The following RHNO1 variants were observed in gnomAD, a reference collection of about 807,000 sequenced individuals.
The protein encoded by RHNO1 is RAD9, HUS1, RAD1-interacting nuclear orphan protein 1.
RHNO1 carries 9 observed loss-of-function variants against 7.2 expected under a neutral mutation model. That is an observed-to-expected ratio of 1.25 (90% CI 0.75 to 2.18). RHNO1 has a LOEUF of 2.18. Ranked by LOEUF, RHNO1 falls within the 30% of genes most tolerant of loss-of-function variation. The pLI, the probability that RHNO1 is intolerant of heterozygous loss-of-function variation, is 0.00. For missense variants in RHNO1, 292 were observed against 284.5 expected, an observed-to-expected ratio of 1.03 and a Z score of -0.19; for synonymous variants, 95 against 107.5, an observed-to-expected ratio of 0.88 and a Z score of 0.72.
In RHNO1 at chr12:2,885,340, T is replaced by G; in HGVS notation, c.-27T>G. The G allele has an allele frequency of 6.2e-7, 1 of 1,605,970 alleles. No homozygotes were observed. The highest frequency in any genetic ancestry group is 1.1e-5 in the South Asian group (1 of 90,124). On this transcript the variant is annotated 5_prime_UTR_variant, in exon 2 of 3. An upstream open reading frame in the 5' UTR gains an earlier in-frame stop. Coordinates refer to ENST00000489288, the MANE Select transcript of RHNO1 (RefSeq NM_001252499.3). Reference sequence around the variant, plus strand: ...CCGAAGGCTAACAGCATCATGTGGTTACTAACTGTTCCTCATTCACCGGTT... The same window carrying G: ...CCGAAGGCTAACAGCATCATGTGGTGACTAACTGTTCCTCATTCACCGGTT...
chr12:2,877,532 C>G lies in RHNO1; in HGVS notation c.-85+250C>G, dbSNP rs776396419. Among the ~76,000 whole-genome samples the G allele has an allele frequency of 5.9e-4, 90 of 152,202 alleles. 1 individual carries two copies. Among genetic ancestry groups the G allele is most frequent in the Admixed American group, 2.6e-4 (4 of 15,278 alleles). ...AGCTCGGCTTTAGTTGATTTCCTCA[C>G]TGGGGGAAATCGTACCCCATTTTCC... On this transcript the variant is annotated intron_variant, in intron 1 of 2. Transcript: ENST00000489288.
chr12:2,883,505 A>ATTTTT (rs2098161364), intron 1 of RHNO1, among the ~76,000 whole-genome samples: 1 of 31,920 alleles, frequency 3.1e-5, no homozygotes, highest in African/African-American at 1.7e-4. Context: ...ATATATATAT[A>ATTTTT]TATATATTTT....
chr12:2,876,501 G>A (rs963426618), upstream of RHNO1: 3 of 152,278 alleles, frequency 2.0e-5, no homozygotes, highest in Admixed American at 2.0e-4. Flanking sequence ...ACCAGGAAAA[G>A]GGCCCTGCAA....
upstream of RHNO1, chr12:2,876,989 G>A (rs1297618633): frequency 6.6e-6 from 1 of 152,160 alleles, no homozygotes; most frequent in Non-Finnish European, 1.5e-5. Context: ...CTCCAACCTG[G>A]GGGCCGAGCC....
intron 1 of RHNO1, among the ~76,000 whole-genome samples, chr12:2,880,620 A>G (rs911236634): frequency 6.6e-6 from 1 of 151,924 alleles, no homozygotes; most frequent in Non-Finnish European, 1.5e-5. Context: ...TCTCAAAACA[A>G]ACAAACAAAA....
rs557909853 is a variant in RHNO1 at position 2,879,682 on chromosome 12, A to G, written c.-85+2400A>G. On this transcript the variant is annotated intron_variant, in intron 1 of 2. Transcript: ENST00000489288. ...CGTTTGAAATATCTAGTTGCTGTTC[A>G]GGTAGGTAATGGGATATTTGGGTCC... Among the ~76,000 whole-genome samples the G allele has an allele frequency of 2.1e-4, 32 of 151,842 alleles. 1 individual carries two copies. Among genetic ancestry groups the G allele is most frequent in the African/African-American group, 7.8e-4 (32 of 41,276 alleles).
chr12:2,883,118 C>T (rs554850213), intron 1 of RHNO1, among the ~76,000 whole-genome samples: 38 of 149,148 alleles, frequency 2.5e-4, no homozygotes, highest in Non-Finnish European at 5.0e-4. Context: ...GTGGCTCACA[C>T]CTGTAATTCC....
chr12:2,887,393 G>A (rs918674831), intron 2 of RHNO1, among the ~76,000 whole-genome samples: 10 of 150,810 alleles, frequency 6.6e-5, no homozygotes, highest in Admixed American at 2.0e-4. Context: ...CAGCAGAATC[G>A]CTTGCATCAG....
chr12:2,887,930 C>T lies in RHNO1; in HGVS notation c.188C>T (p.Thr63Ile), dbSNP rs1298236462. 2.5e-6 allele frequency: 4 copies of T among 1,588,878 alleles called. No individual in the cohort carries two copies. Among genetic ancestry groups the T allele is most frequent in the Non-Finnish European group, 3.4e-6 (4 of 1,169,186 alleles). Residue 63 changes from threonine to isoleucine, a missense_variant, in exon 3 of 3, where the codon ACA becomes ATA. Transcript: ENST00000489288. ...ITSWVSPDFD[T>I]AAGSLFPAYQ... Reference sequence around the variant, plus strand: ...TTTAAGGTATCACCTGATTTTGATACAGCAGCAGGAAGCTTGTTCCCAGCC... The same window carrying T: ...TTTAAGGTATCACCTGATTTTGATATAGCAGCAGGAAGCTTGTTCCCAGCC...
chr12:2,880,086 G>A (rs778012104), intron 1 of RHNO1, among the ~76,000 whole-genome samples: 1 of 151,938 alleles, frequency 6.6e-6, no homozygotes, highest in Non-Finnish European at 1.5e-5. Context: ...GGCTGAGGGA[G>A]GAGAATCACT....
At position 2,888,530 on chromosome 12, in the gene RHNO1, TTTTG is replaced by T; in HGVS notation, c.*75_*78del. On this transcript the variant is annotated 3_prime_UTR_variant, in exon 3 of 3. Transcript: ENST00000489288. Reference sequence around the variant, plus strand: ...CATAAAGGAATTCAATTCCTAGGGTTTTTGTTTTTGTTTTTGAGATGTAATATTG... The same window carrying T: ...CATAAAGGAATTCAATTCCTAGGGTTTTTTTGTTTTTGAGATGTAATATTG... The T allele has an allele frequency of 1.5e-6, 2 of 1,344,744 alleles. No homozygotes were observed. Among genetic ancestry groups the T allele is most frequent in the South Asian group, 1.5e-5 (1 of 65,710 alleles). 83.3% of individuals were successfully genotyped at this position (1,344,744 alleles called of 1,614,324 possible). A position where few individuals can be genotyped will look rare whatever the true frequency, so the allele number is the denominator to read the frequency against.
intron 1 of RHNO1, among the ~76,000 whole-genome samples, chr12:2,884,129 C>T (rs768907150): frequency 5.3e-5 from 8 of 151,640 alleles, no homozygotes; most frequent in Non-Finnish European, 1.2e-4. Context: ...GGTGCAATCT[C>T]GGCTCATTGT....
chr12:2,881,162 G>T (rs2098157056), intron 1 of RHNO1, among the ~76,000 whole-genome samples: 1 of 151,988 alleles, frequency 6.6e-6, no homozygotes, highest in African/African-American at 2.4e-5. Context: ...GAGTGCAGTG[G>T]CGTGATCTCG....
intron 1 of RHNO1, 69 bp from the exon 2 acceptor site, chr12:2,885,214 G>A (rs1650202725): frequency 4.4e-6 from 3 of 689,050 alleles, no homozygotes; most frequent in Non-Finnish European, 2.4e-6. Flanking sequence ...GAATTGGCTG[G>A]CAGAGGATCA....
Position 2,885,560 on chromosome 12 carries a change from C to CTTTTTTTTTTTT in RHNO1, c.168+26_168+27insTTTTTTTTTTTT, listed in dbSNP as rs2098164432. The CTTTTTTTTTTTT allele has an allele frequency of 1.4e-5, 10 of 690,090 alleles. 3 individuals are homozygous for CTTTTTTTTTTTT. Among genetic ancestry groups the CTTTTTTTTTTTT allele is most frequent in the African/African-American group, 4.7e-5 (2 of 42,404 alleles). 42.7% of individuals were successfully genotyped at this position (690,090 alleles called of 1,614,324 possible). ...GTAGGCCCATGGGATTACTATTTGA[C>CTTTTTTTTTTTT]ATTTTTTTTTTTTTTTTTTTTTTTT... On this transcript the variant is annotated intron_variant, in intron 2 of 2. Transcript: ENST00000489288.
upstream of RHNO1, chr12:2,876,978 C>G (rs1291809085): frequency 6.6e-6 from 1 of 152,184 alleles, no homozygotes; most frequent in Non-Finnish European, 1.5e-5. Context: ...GCTCCGGGCT[C>G]CTCCAACCTG....
chr12:2,879,200 C>A (rs1278612838), intron 1 of RHNO1, among the ~76,000 whole-genome samples: 1 of 151,808 alleles, frequency 6.6e-6, no homozygotes, highest in Admixed American at 6.6e-5. Context: ...GACAGGGTCT[C>A]ACTCTGTTGC....
chr12:2,883,075 A>AAAAAAACAAC lies in RHNO1; in HGVS notation c.-84-2202_-84-2201insCAACAAAAAA, dbSNP rs1555108312. 5.2e-5 allele frequency among the ~76,000 whole-genome samples: 7 copies of AAAAAAACAAC among 134,476 alleles called. 1 individual carries two copies. The highest frequency in any genetic ancestry group is 7.7e-5 in the Non-Finnish European group (5 of 65,102). The allele number at this position is 134,476 out of a possible 152,430, so 88.2% of individuals were successfully genotyped here. A position where few individuals can be genotyped will look rare whatever the true frequency, so the allele number is the denominator to read the frequency against. ...GAGCAAGGCCCTGTCTCAAAAAAAAAAAAAAAAAAACACATAGAAAACCTG... is the reference window on the plus strand; with the variant it reads ...GAGCAAGGCCCTGTCTCAAAAAAAAAAAAAAACAACAAAAAAAAAACACATAGAAAACCTG... On this transcript the variant is annotated intron_variant, in intron 1 of 2. Coordinates refer to ENST00000489288, the MANE Select transcript of RHNO1 (RefSeq NM_001252499.3).
chr12:2,888,510 A>T lies in RHNO1; in HGVS notation c.*51A>T, dbSNP rs1381405821. ...AGAGATATGTTTTCTGGAGTCATAA[A>T]GGAATTCAATTCCTAGGGTTTTTGT... On this transcript the variant is annotated 3_prime_UTR_variant, in exon 3 of 3. Coordinates refer to ENST00000489288, the MANE Select transcript of RHNO1 (RefSeq NM_001252499.3). 1 of 1,471,204 alleles carries T rather than the reference A, an allele frequency of 6.8e-7. No individual in the cohort carries two copies. Among genetic ancestry groups the T allele is most frequent in the Non-Finnish European group, 9.1e-7 (1 of 1,103,078 alleles). The allele number at this position is 1,471,204 out of a possible 1,614,324, so 91.1% of individuals were successfully genotyped here.
Sources: allele counts gnomAD v4.1 joint callset (sites outside exome capture counted in the v4.1 genomes callset), GRCh38; gene constraint gnomAD v4.1.1; transcripts MANE v1.5; gene names NCBI Gene and HGNC (gene_info 2026-07-23, HGNC 2026-07-21).